The following VIRMA variants were observed in gnomAD, a reference collection of about 807,000 sequenced individuals.
VIRMA encodes vir like m6A methyltransferase associated.
A neutral mutation model predicts 182.4 loss-of-function variants in VIRMA; 65 were observed. The observed-to-expected ratio is 0.36, with a 90% CI of 0.29 to 0.44. The LOEUF (loss-of-function observed/expected upper bound fraction) is 0.44, where lower values mean the gene tolerates loss of function less well. Among genes scored for constraint, VIRMA ranks in the 20% least tolerant of loss-of-function variants. The probability of loss-of-function intolerance (pLI) is 1.00; values close to 1 mark genes in which losing one functional copy is unlikely to be tolerated. For missense variants in VIRMA, 1,752 were observed against 2,158.1 expected, an observed-to-expected ratio of 0.81 and a Z score of 3.73; for synonymous variants, 709 against 743.1, an observed-to-expected ratio of 0.95 and a Z score of 0.75.
At chr8:94,491,411 T>G (rs1813604354) in intron 22 of VIRMA, among the ~76,000 whole-genome samples, 167 bp downstream of exon 22, 1 of 152,182 alleles carries the variant, frequency 6.6e-6, no homozygotes, top group Non-Finnish European at 1.5e-5. Context: ...AGTTTCTTTC[T>G]TCTATCCAAT....
chr8:94,536,073 C>G (rs1815331976), intron 4 of VIRMA, among the ~76,000 whole-genome samples: 1 of 152,164 alleles, frequency 6.6e-6, no homozygotes, highest in Admixed American at 6.5e-5. Context: ...TCTTTCCACC[C>G]CACCATATTG....
In VIRMA at chr8:94,534,840, A is replaced by G. The variant is rs777152236; in HGVS notation, c.483T>C (p.His161=). The change falls in exon 5 of 24, where the codon CAT becomes CAC. Residue 161 remains histidine, a splice_region_variant and synonymous_variant. Transcript: ENST00000297591. The part of the protein sequence containing the change: ...PQPSLKRNPK[H]ADGEKEDQFN... ...CAAAAGCAAATTTAAAATTCTCACC[A>G]TGTTTTGGATTCCTTTTCAAACTTG... 1.9e-6 allele frequency: 3 copies of G among 1,560,482 alleles called. No homozygotes were observed. Among genetic ancestry groups the G allele is most frequent in the African/African-American group, 2.7e-5 (2 of 73,566 alleles).
At chr8:94,500,577 G>A (rs909032498) in intron 16 of VIRMA, among the ~76,000 whole-genome samples, 1 of 151,744 alleles carries the variant, frequency 6.6e-6, no homozygotes, top group Admixed American at 6.6e-5. Context: ...GGGAGGATGA[G>A]GAGCAACTGG....
At chr8:94,541,526 G>T (rs1815553461) in intron 2 of VIRMA, among the ~76,000 whole-genome samples, 1 of 152,016 alleles carries the variant, frequency 6.6e-6, no homozygotes, top group Non-Finnish European at 1.5e-5. Context: ...TCAACTTTCA[G>T]ATTCGGTCTT....
intron 5 of VIRMA, chr8:94,533,556 C>T (rs1815238766): frequency 6.6e-6 from 1 of 152,066 alleles, no homozygotes; most frequent in South Asian, 2.0e-4. Context: ...ATCCTCCCAC[C>T]TCAGCCTCCA....
At chr8:94,504,350 C>G (rs1014369029) in intron 16 of VIRMA, among the ~76,000 whole-genome samples, 1 of 152,046 alleles carries the variant, frequency 6.6e-6, no homozygotes, top group Non-Finnish European at 1.5e-5. Flanking sequence ...ACTCTGAGGG[C>G]TCTCACTGTG....
At chr8:94,528,503 T>C (rs952976515) in intron 7 of VIRMA, among the ~76,000 whole-genome samples, 5 of 152,244 alleles carry the variant, frequency 3.3e-5, no homozygotes, top group Admixed American at 6.5e-5. Context: ...ATGCCATTTC[T>C]TGGGCAAATT....
chr8:94,495,925 A>G, intron 18 of VIRMA, 34 bp from the exon 19 acceptor site: 1 of 1,592,194 alleles, frequency 6.3e-7, no homozygotes, highest in Admixed American at 1.7e-5. Context: ...AAGAAGGTGC[A>G]GGTAAAACTT....
rs1813615466 is a variant in VIRMA, at chr8:94,491,847, C to T, written c.4871G>A (p.Arg1624Lys). 6.2e-7 allele frequency: 1 copy of T among 1,613,054 alleles called. No homozygotes were observed. The highest frequency in any genetic ancestry group is 1.7e-5 in the Admixed American group (1 of 59,950). The change falls in exon 22 of 24, where the codon AGG (arginine) becomes AAG (lysine). Residue 1624 changes from arginine (R) to lysine (K), a missense_variant. Arg to Lys is a conservative substitution (Grantham distance 26). This residue lies in a region of VIRMA where 27 missense variants were observed against 60.8 expected (regional missense o/e 0.44). Coordinates refer to ENST00000297591, the MANE Select transcript of VIRMA (RefSeq NM_015496.5). ...RAHVVPPPRGRGRGGFGQGIR... is the reference protein window; with the variant it reads ...RAHVVPPPRGKGRGGFGQGIR... ...ACCCTGTCCAAATCCTCCCCTGCCCCTTCCTCTTGGTGGTGGCACAACATG... is the reference window on the plus strand; with the variant it reads ...ACCCTGTCCAAATCCTCCCCTGCCCTTTCCTCTTGGTGGTGGCACAACATG...
In VIRMA at chr8:94,496,445, T is replaced by C; in HGVS notation, c.4266A>G (p.Val1422=). 1 of 1,613,326 alleles carries C rather than the reference T, an allele frequency of 6.2e-7. No individual in the cohort carries two copies. The change falls in exon 18 of 24, where the codon GTA becomes GTG. Residue 1422 remains valine, a synonymous_variant. Coordinates refer to ENST00000297591, the MANE Select transcript of VIRMA (RefSeq NM_015496.5). The part of the protein sequence containing the change: ...CCGDDNGLME[V]EGAHTSRTMS... ...TCGTCCGTGATGTATGAGCTCCCTC[T>C]ACTTCCATGAGACCATTATCATCTC...
intron 16 of VIRMA, among the ~76,000 whole-genome samples, chr8:94,500,191 A>G (rs376959221): frequency 6.6e-6 from 1 of 152,092 alleles, no homozygotes; most frequent in East Asian, 1.9e-4. Context: ...CGAGGTCAGG[A>G]GATCAAGACC....
intron 15 of VIRMA, among the ~76,000 whole-genome samples, chr8:94,506,987 TTC>T (rs1419958463): frequency 8.5e-5 from 13 of 152,118 alleles, no homozygotes; most frequent in Non-Finnish European, 1.8e-4. Context: ...CAAATTTTTT[TTC>T]TTTCAGTATT....
intron 5 of VIRMA, among the ~76,000 whole-genome samples, chr8:94,531,867 A>C (rs373197025): frequency 1.3e-5 from 2 of 152,224 alleles, no homozygotes; most frequent in Non-Finnish European, 2.9e-5. Context: ...AAAAACAACA[A>C]ACTATTTATA....
At chr8:94,533,310 T>A (rs1051122380) in intron 5 of VIRMA, among the ~76,000 whole-genome samples, 1 of 152,168 alleles carries the variant, frequency 6.6e-6, no homozygotes, top group Non-Finnish European at 1.5e-5. Flanking sequence ...CATTACTATA[T>A]CAGGATTCAG....
At chr8:94,551,810 G>A (rs1398518573) in intron 1 of VIRMA, among the ~76,000 whole-genome samples, 1 of 152,096 alleles carries the variant, frequency 6.6e-6, no homozygotes, top group Non-Finnish European at 1.5e-5. Flanking sequence ...CTGCAGCCTT[G>A]AACTCCCAGG....
At position 94,519,335 on chromosome 8, in the gene VIRMA, A is replaced by T. The variant is rs1199673935; in HGVS notation, c.2163T>A (p.Phe721Leu). 4.4e-6 allele frequency: 7 copies of T among 1,606,560 alleles called. No homozygotes were observed. The highest frequency in any genetic ancestry group is 5.9e-6 in the Non-Finnish European group (7 of 1,177,540). The change falls in exon 9 of 24, where the codon TTT (phenylalanine) becomes TTA (leucine). Residue 721 changes from phenylalanine to leucine, a missense_variant. By Grantham distance (22) the Phe-to-Leu change is conservative (BLOSUM62 0). Coordinates refer to ENST00000297591, the MANE Select transcript of VIRMA (RefSeq NM_015496.5). The part of the protein sequence containing the change: ...LAQSQKGLLF[F>L]MSEYEATNLL... ...AATTTGTTGCTTCATATTCCGACAT[A>T]AAAAAAAGAAGACCCTTCTGTGACT...
At chr8:94,514,491 T>C (rs1203943378) in intron 11 of VIRMA, among the ~76,000 whole-genome samples, 3 of 152,212 alleles carry the variant, frequency 2.0e-5, no homozygotes, top group Admixed American at 1.3e-4. Context: ...TTCACCTAAA[T>C]ATTTTGAGTG....
At chr8:94,496,183 A>G in intron 18 of VIRMA, 145 bp downstream of exon 18, 2 of 740,428 alleles carry the variant, frequency 2.7e-6, no homozygotes, top group Non-Finnish European at 4.2e-6. Flanking sequence ...TTCACTTCAA[A>G]TTATTAATTC....
chr8:94,514,102 C>T (rs535498238), intron 11 of VIRMA, among the ~76,000 whole-genome samples: 20 of 152,030 alleles, frequency 1.3e-4, no homozygotes, highest in Non-Finnish European at 1.9e-4. Flanking sequence ...CACACACACA[C>T]GCAAACACAC....
Sources: allele counts gnomAD v4.1 joint callset (sites outside exome capture counted in the v4.1 genomes callset), GRCh38; gene constraint gnomAD v4.1.1; regional missense constraint gnomAD v4.1.1; transcripts MANE v1.5; gene names NCBI Gene and HGNC (gene_info 2026-07-23, HGNC 2026-07-21).